MYRF: variants seen among roughly 807,000 people sequenced by gnomAD.
MYRF encodes myelin regulatory factor.
A neutral mutation model predicts 126.3 loss-of-function variants in MYRF; 16 were observed. The observed-to-expected ratio is 0.13, with a 90% CI of 0.09 to 0.19. The LOEUF (loss-of-function observed/expected upper bound fraction) is 0.19, where lower values mean the gene tolerates loss of function less well. Among genes scored for constraint, MYRF ranks in the 10% least tolerant of loss-of-function variants. MYRF has a pLI of 1.00. For synonymous variants in MYRF, 608 were observed against 635.3 expected, an observed-to-expected ratio of 0.96 and a Z score of 0.65; for missense variants, 1,104 against 1,547.0, an observed-to-expected ratio of 0.71 and a Z score of 4.80.
intron 3 of MYRF, 111 bp from the exon 4 acceptor site, chr11:61,769,149 G>C (rs1263411694): frequency 3.8e-5 from 25 of 653,528 alleles, no homozygotes; most frequent in Non-Finnish European, 6.9e-5. Flanking sequence ...CGAAACCTCA[G>C]TGTCGCCAGC....
chr11:61,754,068 G>A (rs1000955626), intron 1 of MYRF: 11 of 152,440 alleles, frequency 7.2e-5, no homozygotes, highest in African/African-American at 2.4e-4. Flanking sequence ...ACCTATCAGG[G>A]CTACAGGGCA....
intron 14 of MYRF, 126 bp from the exon 15 acceptor site, chr11:61,779,137 G>C: frequency 9.6e-7 from 1 of 1,043,658 alleles, no homozygotes; most frequent in Non-Finnish European, 1.4e-6. Context: ...GAGACTTTGA[G>C]GGCCTCCCAG....
intron 25 of MYRF, chr11:61,785,549 G>A (rs2066672742): frequency 1.2e-5 from 7 of 560,484 alleles, no homozygotes; most frequent in African/African-American, 1.9e-5. Context: ...AGCACAACAG[G>A]ACTGGGAAGG....
intron 1 of MYRF, among the ~76,000 whole-genome samples, chr11:61,764,467 A>T (rs981395814): frequency 6.6e-6 from 1 of 152,218 alleles, no homozygotes; most frequent in African/African-American, 2.4e-5. Context: ...GACCTGCCCA[A>T]GGTCACTCAG....
rs114764590 is a variant in MYRF at position 61,786,294 on chromosome 11, C to T, written c.*151C>T. The T allele has an allele frequency of 1.7e-3, 1,260 of 741,398 alleles. 7 individuals carry two copies. In the African/African-American group the frequency reaches 0.019, roughly 11 times the overall value. 45.9% of individuals were successfully genotyped at this position (741,398 alleles called of 1,614,324 possible). On this transcript the variant is annotated 3_prime_UTR_variant, in exon 27 of 27. Coordinates refer to ENST00000278836, the MANE Select transcript of MYRF (RefSeq NM_001127392.3). This position sits in a 1 kb window ranked among gnomAD's most constrained non-coding sequence, Gnocchi z 4.5. Reference sequence around the variant, plus strand: ...AGACTGGTGAAACTGGAAGTCTTCACACTGGAGTTGCTGTTCCAGCTGGTC... The same window carrying T: ...AGACTGGTGAAACTGGAAGTCTTCATACTGGAGTTGCTGTTCCAGCTGGTC...
rs150872059 is a variant in MYRF, at chr11:61,777,816, C to T, written c.1874C>T (p.Ala625Val). The change falls in exon 13 of 27, where the codon GCG becomes GTG. Residue 625 changes from alanine (A) to valine (V), a missense_variant. Ala to Val is a moderately conservative substitution (Grantham distance 64). Transcript: ENST00000278836. The surrounding 1 kb of genome is among the most constrained non-coding windows in gnomAD (Gnocchi z 8.8). ...TACAAGCCCGAGTTCGCCGCCAGCG[C>T]GGGCATCGAGGCCACCGCGCCAGAG... is the stretch of plus-strand genomic sequence containing the variant. ...YRYKPEFAAS[A>V]GIEATAPETG... 1.2e-5 allele frequency: 18 copies of T among 1,552,332 alleles called. No homozygotes were observed. In the African/African-American group the frequency reaches 2.5e-4, roughly 21 times the overall value.
rs747603606 is a variant in MYRF, at chr11:61,757,229, G to T, written c.46+4439G>T. On this transcript the variant is annotated intron_variant, in intron 1 of 26. Transcript: ENST00000278836. The surrounding 1 kb of genome is among the most constrained non-coding windows in gnomAD (Gnocchi z 4.7). The stretch of plus-strand genomic sequence containing the variant: ...CGGGGTGTGGGTACCTCTTGGTTGG[G>T]TCTCGGGGTAGGATGATGTAATGGT... 2.2e-6 allele frequency: 1 copy of T among 456,820 alleles called. No individual in the cohort carries two copies. Among genetic ancestry groups the T allele is most frequent in the South Asian group, 1.5e-5 (1 of 64,552 alleles). 28.3% of individuals were successfully genotyped at this position (456,820 alleles called of 1,614,324 possible). A position where few individuals can be genotyped will look rare whatever the true frequency, so the allele number is the denominator to read the frequency against.
chr11:61,776,687 T>A lies in MYRF; in HGVS notation c.1500-100T>A. On this transcript the variant is annotated intron_variant, in intron 10 of 26. Coordinates refer to ENST00000278836, the MANE Select transcript of MYRF (RefSeq NM_001127392.3). This position sits in a 1 kb window ranked among gnomAD's most constrained non-coding sequence, Gnocchi z 4.3. ...CTGGTGGAGGCTCGGGTTCCTCCTCTGTAGGAGGGGGTGAGATGAACATGC... is the reference window on the plus strand; with the variant it reads ...CTGGTGGAGGCTCGGGTTCCTCCTCAGTAGGAGGGGGTGAGATGAACATGC... 1 of 995,600 alleles carries A rather than the reference T, an allele frequency of 1.0e-6. No homozygotes were observed. The highest frequency in any genetic ancestry group is 1.5e-6 in the Non-Finnish European group (1 of 677,510). The allele number at this position is 995,600 out of a possible 1,614,324, so 61.7% of individuals were successfully genotyped here.
rs12574316 is a variant in MYRF, at chr11:61,771,055, G to T, written c.741-445G>T. Among the ~76,000 whole-genome samples the T allele has an allele frequency of 1.6e-4, 24 of 152,332 alleles. No individual in the cohort carries two copies. The East Asian group carries it at 4.2e-3, about 27-fold the overall frequency. On this transcript the variant is annotated intron_variant, in intron 5 of 26. Transcript: ENST00000278836. The stretch of plus-strand genomic sequence containing the variant: ...GTAAACCAGAAGGGGAAGGAGTGCC[G>T]TGCGGAAGCTCCCCTTCCCTGGTTT...
intron 1 of MYRF, among the ~76,000 whole-genome samples, chr11:61,758,163 G>A (rs1236268571): frequency 6.6e-6 from 1 of 152,162 alleles, no homozygotes; most frequent in Non-Finnish European, 1.5e-5. Context: ...CCTAGAGTAT[G>A]GAGGGGGCTC....
chr11:61,773,010 T>C (rs1473444347), intron 7 of MYRF, among the ~76,000 whole-genome samples: 77 of 150,794 alleles, frequency 5.1e-4, no homozygotes, highest in African/African-American at 1.7e-3. Flanking sequence ...TGCTCTTTTT[T>C]TTTTTTTTTT....
At position 61,777,198 on chromosome 11, in the gene MYRF, T is replaced by G; in HGVS notation, c.1591-66T>G. 1 of 1,530,678 alleles carries G rather than the reference T, an allele frequency of 6.5e-7. No homozygotes were observed. The highest frequency in any genetic ancestry group is 2.3e-5 in the East Asian group (1 of 44,046). 94.8% of individuals were successfully genotyped at this position (1,530,678 alleles called of 1,614,324 possible). A position where few individuals can be genotyped will look rare whatever the true frequency, so the allele number is the denominator to read the frequency against. ...GAGGGGCTGCTGTGGAGTTTCCCCCTGCTCCCAGGGCCCTGCAGGTCCCCT... is the reference window on the plus strand; with the variant it reads ...GAGGGGCTGCTGTGGAGTTTCCCCCGGCTCCCAGGGCCCTGCAGGTCCCCT... On this transcript the variant is annotated intron_variant, in intron 11 of 26. Coordinates refer to ENST00000278836, the MANE Select transcript of MYRF (RefSeq NM_001127392.3). The surrounding 1 kb of genome is among the most constrained non-coding windows in gnomAD (Gnocchi z 8.8).
chr11:61,786,165 C>T lies in MYRF; in HGVS notation c.*22C>T, dbSNP rs780449106. On this transcript the variant is annotated 3_prime_UTR_variant, in exon 27 of 27. Transcript: ENST00000278836. This position sits in a 1 kb window ranked among gnomAD's most constrained non-coding sequence, Gnocchi z 4.5. ...CTGAGCTGCCCTCCTGAGGCAGCAC[C>T]ACACCAGGGACCAGGGGTGCCCAGG... 8 of 1,610,898 alleles carry T rather than the reference C, an allele frequency of 5.0e-6. No homozygotes were observed. Among genetic ancestry groups the T allele is most frequent in the Non-Finnish European group, 6.8e-6 (8 of 1,177,066 alleles).
intron 25 of MYRF, 91 bp downstream of exon 25, chr11:61,784,476 C>A (rs1418307779): frequency 3.8e-6 from 4 of 1,055,176 alleles, no homozygotes; most frequent in Non-Finnish European, 5.6e-6. Context: ...GGAGCAGAAG[C>A]TGGGAGTTAT....
At chr11:61,758,600 G>A (rs1002954430) in intron 1 of MYRF, among the ~76,000 whole-genome samples, 6 of 152,186 alleles carry the variant, frequency 3.9e-5, no homozygotes, top group East Asian at 3.9e-4. Context: ...GTCAGTGAGT[G>A]TTTGTGTACA....
At chr11:61,774,662 G>A (rs1183589466) in intron 8 of MYRF, among the ~76,000 whole-genome samples, 1 of 134,906 alleles carries the variant, frequency 7.4e-6, no homozygotes, top group African/African-American at 2.9e-5. Flanking sequence ...CCTCCCCCTC[G>A]CCCTGCGCCT....
chr11:61,772,020 C>T (rs2135794675), intron 7 of MYRF, 68 bp downstream of exon 7: 1 of 1,584,554 alleles, frequency 6.3e-7, no homozygotes, highest in Non-Finnish European at 8.6e-7. Flanking sequence ...GCCCAGGACC[C>T]CATCAAGGTC....
chr11:61,786,833 C>G lies in MYRF; in HGVS notation c.*690C>G, dbSNP rs1214269533. 1 of 153,064 alleles carries G rather than the reference C, an allele frequency of 6.5e-6. No individual in the cohort carries two copies. Among genetic ancestry groups the G allele is most frequent in the Non-Finnish European group, 1.5e-5 (1 of 68,296 alleles). The allele number at this position is 153,064 out of a possible 1,614,324, so 9.5% of individuals were successfully genotyped here. On this transcript the variant is annotated 3_prime_UTR_variant, in exon 27 of 27. Coordinates refer to ENST00000278836, the MANE Select transcript of MYRF (RefSeq NM_001127392.3). This position sits in a 1 kb window ranked among gnomAD's most constrained non-coding sequence, Gnocchi z 4.5. Reference sequence around the variant, plus strand: ...TGGGTTGGAGAAACTGACTTTGTGCCTTAAGTCTACTCAGTGCCTGGTGAA... The same window carrying G: ...TGGGTTGGAGAAACTGACTTTGTGCGTTAAGTCTACTCAGTGCCTGGTGAA...
chr11:61,756,881 G>T (rs1008313328), intron 1 of MYRF, among the ~76,000 whole-genome samples: 4 of 152,020 alleles, frequency 2.6e-5, no homozygotes, highest in South Asian at 2.1e-4. Flanking sequence ...TTCCCTGGGG[G>T]CCTGACTCCC....
Sources: gnomAD v4.1 joint callset for allele counts (sites outside exome capture counted in the v4.1 genomes callset) on GRCh38, gnomAD v4.1.1 for gene constraint, Gnocchi (gnomAD v3.1) non-coding constraint, MANE v1.5 for transcripts, NCBI Gene and HGNC (gene_info 2026-07-23, HGNC 2026-07-21) for gene names.